GRID2: variants seen among roughly 807,000 people sequenced by gnomAD.
The protein encoded by GRID2 is glutamate receptor ionotropic, delta-2.
Under a neutral mutation model 114.8 loss-of-function variants are expected in GRID2, and 33 were observed. The ratio of observed to expected loss-of-function variants is 0.29; its 90% CI spans 0.22 to 0.38. The LOEUF is 0.38. GRID2 is among the 10% of genes least tolerant of loss of function. The pLI, the probability that GRID2 is intolerant of heterozygous loss-of-function variation, is 1.00. For synonymous variants in GRID2, 505 were observed against 449.9 expected (o/e 1.12, Z -1.55); for missense variants, 1,184 against 1,257.7 (o/e 0.94, Z 0.89).
At chr4:92,329,562 G>A (rs1439896426) in intron 1 of GRID2, among the ~76,000 whole-genome samples, 3 of 151,956 alleles carry the variant, frequency 2.0e-5, no homozygotes, top group Admixed American at 1.3e-4. Flanking sequence ...CTACTTTATA[G>A]AGTTGTTAGG....
chr4:92,552,697 A>G lies in GRID2; in HGVS notation c.89-37434A>G, dbSNP rs1397662283. Among the ~76,000 whole-genome samples the G allele has an allele frequency of 2.6e-5, 4 of 152,188 alleles. No homozygotes were observed. In the East Asian group the frequency reaches 7.7e-4, roughly 29 times the overall value. On this transcript the variant is annotated intron_variant, in intron 1 of 15. Transcript: ENST00000282020. ...AAAAGATGAAGGGTTATGTCTTAGC[A>G]AATAGGGAGTTGAAGTTTTGGGGAG... is the stretch of plus-strand genomic sequence containing the variant.
At chr4:92,443,633 T>A (rs1733257029) in intron 1 of GRID2, among the ~76,000 whole-genome samples, 1 of 152,072 alleles carries the variant, frequency 6.6e-6, no homozygotes, top group African/African-American at 2.4e-5. Context: ...AAAGCGGGAC[T>A]TGCCGCTAAG....
chr4:92,679,721 G>C (rs1733552843), intron 2 of GRID2, among the ~76,000 whole-genome samples: 1 of 151,880 alleles, frequency 6.6e-6, no homozygotes, highest in African/African-American at 2.4e-5. Flanking sequence ...TGAATAGTAT[G>C]TGAAAACTGT....
intron 2 of GRID2, among the ~76,000 whole-genome samples, chr4:93,045,199 G>T (rs1252962261): frequency 6.6e-6 from 1 of 152,010 alleles, no homozygotes; most frequent in East Asian, 1.9e-4. Flanking sequence ...TAATTCAAAG[G>T]TTCTACAGGC....
In GRID2 at chr4:93,772,666, A is replaced by C; in HGVS notation, c.*168A>C. The C allele has an allele frequency of 1.8e-6, 1 of 544,912 alleles. No individual in the cohort carries two copies. The highest frequency in any genetic ancestry group is 3.2e-6 in the Non-Finnish European group (1 of 313,914). 33.8% of individuals were successfully genotyped at this position (544,912 alleles called of 1,614,324 possible). A position where few individuals can be genotyped will look rare whatever the true frequency, so the allele number is the denominator to read the frequency against. On this transcript the variant is annotated 3_prime_UTR_variant, in exon 16 of 16. Coordinates refer to ENST00000282020, the MANE Select transcript of GRID2 (RefSeq NM_001510.4). ...TTCTCCCTCTCCTCTCTCCTCTATGATTTTCTCTCTTTCCCCCTCCCTTCC... is the reference window on the plus strand; with the variant it reads ...TTCTCCCTCTCCTCTCTCCTCTATGCTTTTCTCTCTTTCCCCCTCCCTTCC...
chr4:93,396,263 G>C (rs1560577183), intron 9 of GRID2, among the ~76,000 whole-genome samples: 5 of 151,982 alleles, frequency 3.3e-5, no homozygotes, highest in Admixed American at 6.6e-5. Context: ...TAAAATGACA[G>C]ATATAATTCT....
chr4:92,474,316 C>T (rs1330820235), intron 1 of GRID2, among the ~76,000 whole-genome samples: 2 of 151,998 alleles, frequency 1.3e-5, no homozygotes, highest in Non-Finnish European at 2.9e-5. Context: ...TAATGTCCTC[C>T]AGTTTCATCC....
intron 1 of GRID2, among the ~76,000 whole-genome samples, chr4:92,432,969 C>A (rs1468478062): frequency 6.6e-6 from 1 of 152,114 alleles, no homozygotes; most frequent in East Asian, 1.9e-4. Flanking sequence ...GGTGATGAAT[C>A]CTTCCAAAAA....
chr4:92,855,377 T>C (rs1013627594), intron 2 of GRID2, among the ~76,000 whole-genome samples: 1 of 151,970 alleles, frequency 6.6e-6, no homozygotes, highest in African/African-American at 2.4e-5. Context: ...AAAAATTATT[T>C]GTTATTATTA....
intron 1 of GRID2, among the ~76,000 whole-genome samples, chr4:92,529,570 A>G (rs1181436627): frequency 6.6e-6 from 1 of 152,128 alleles, no homozygotes; most frequent in Non-Finnish European, 1.5e-5. Flanking sequence ...AGATTACCAA[A>G]CAGCTAAATG....
chr4:93,494,961 C>A (rs541833929), intron 12 of GRID2, among the ~76,000 whole-genome samples: 1 of 151,742 alleles, frequency 6.6e-6, no homozygotes, highest in African/African-American at 2.4e-5. Flanking sequence ...CCAAAAGCTA[C>A]CTAGTTCACA....
At chr4:93,009,049 T>G (rs1721850760) in intron 2 of GRID2, among the ~76,000 whole-genome samples, 1 of 152,146 alleles carries the variant, frequency 6.6e-6, no homozygotes. Context: ...ATCAGATGAT[T>G]GTATTTCTAA....
At chr4:93,107,786 G>A (rs974894383) in intron 3 of GRID2, among the ~76,000 whole-genome samples, 13 of 152,074 alleles carry the variant, frequency 8.5e-5, no homozygotes, top group Admixed American at 2.6e-4. Context: ...GAGCCAGCAC[G>A]CCCAGCCCCA....
At chr4:92,816,545 G>A (rs1354097223) in intron 2 of GRID2, among the ~76,000 whole-genome samples, 1 of 152,030 alleles carries the variant, frequency 6.6e-6, no homozygotes, top group East Asian at 1.9e-4. Flanking sequence ...TCCACAAGGA[G>A]AAGGGAGGAG....
chr4:93,682,568 T>A (rs1415822006), intron 14 of GRID2, among the ~76,000 whole-genome samples: 2 of 152,098 alleles, frequency 1.3e-5, no homozygotes, highest in Non-Finnish European at 2.9e-5. Context: ...TAAGAAAATG[T>A]GGGACATATA....
intron 7 of GRID2, among the ~76,000 whole-genome samples, chr4:93,236,998 A>G (rs1441138068): frequency 6.6e-6 from 1 of 152,026 alleles, no homozygotes; most frequent in Non-Finnish European, 1.5e-5. Flanking sequence ...TACATGTATT[A>G]TAAGAATCAG....
rs554115256 is a variant in GRID2, at chr4:93,051,260, C to T, written c.245-33735C>T. The stretch of plus-strand genomic sequence containing the variant: ...CATTGTAAATACCTTGGGGGAGAAA[C>T]GCATTACTGATTAAGAAGAAATAAA... On this transcript the variant is annotated intron_variant, in intron 2 of 15. Transcript: ENST00000282020. Among the ~76,000 whole-genome samples, 101 of 152,096 alleles carry T rather than the reference C, an allele frequency of 6.6e-4. 1 individual carries two copies. Among genetic ancestry groups the T allele is most frequent in the African/African-American group, 2.3e-3 (95 of 41,524 alleles).
chr4:93,722,055 A>T (rs1274117068), intron 14 of GRID2, among the ~76,000 whole-genome samples: 1 of 150,986 alleles, frequency 6.6e-6, no homozygotes, highest in African/African-American at 2.4e-5. Context: ...AGCAGCTGGG[A>T]TTACAGGCAT....
chr4:92,433,817 T>C (rs1329552355), intron 1 of GRID2, among the ~76,000 whole-genome samples: 1 of 152,194 alleles, frequency 6.6e-6, no homozygotes, highest in African/African-American at 2.4e-5. Flanking sequence ...CCTAAAATCA[T>C]ATTTTAATTT....
Sources: allele counts gnomAD v4.1 joint callset (sites outside exome capture counted in the v4.1 genomes callset), GRCh38; gene constraint gnomAD v4.1.1; transcripts MANE v1.5; gene names NCBI Gene and HGNC (gene_info 2026-07-23, HGNC 2026-07-21).